The following ZHX2 variants were observed in gnomAD, a reference collection of about 807,000 sequenced individuals.
ZHX2 encodes the protein zinc fingers and homeoboxes 2.
ZHX2 carries 6 observed loss-of-function variants against 21.9 expected under a neutral mutation model. The observed-to-expected ratio is 0.27, with a 90% CI of 0.15 to 0.54. The LOEUF (loss-of-function observed/expected upper bound fraction) is 0.54. Among genes scored for constraint, ZHX2 ranks in the 20% least tolerant of loss-of-function variants. ZHX2 has a pLI of 0.95. For synonymous variants in ZHX2, 434 were observed against 437.1 expected, an observed-to-expected ratio of 0.99 and a Z score of 0.09; for missense variants, 908 against 1,090.7, an observed-to-expected ratio of 0.83 and a Z score of 2.36.
chr8:122,880,026 A>G (rs974484876), intron 2 of ZHX2, among the ~76,000 whole-genome samples: 47 of 143,570 alleles, frequency 3.3e-4, no homozygotes, highest in African/African-American at 1.1e-3. Context: ...AGGCTAGAGT[A>G]CAGTGGTGCA....
At chr8:122,878,511 C>G (rs564159900) in intron 2 of ZHX2, among the ~76,000 whole-genome samples, 2 of 152,300 alleles carry the variant, frequency 1.3e-5, no homozygotes, top group South Asian at 4.1e-4. Context: ...GCACATCATT[C>G]ATCCTCCAGC....
At chr8:122,957,913 A>C (rs1813351255) in intron 3 of ZHX2, among the ~76,000 whole-genome samples, 1 of 152,228 alleles carries the variant, frequency 6.6e-6, no homozygotes, top group African/African-American at 2.4e-5. Context: ...ATTGCTTCAC[A>C]GTTTTCATGA....
At chr8:122,812,668 T>C (rs1300278835) in intron 1 of ZHX2, among the ~76,000 whole-genome samples, 2 of 152,188 alleles carry the variant, frequency 1.3e-5, no homozygotes, top group Non-Finnish European at 2.9e-5. Flanking sequence ...CTATGTTAAC[T>C]ACAGTATTTC....
intron 1 of ZHX2, among the ~76,000 whole-genome samples, chr8:122,805,516 A>G (rs953704106): frequency 3.3e-5 from 5 of 152,246 alleles, no homozygotes; most frequent in Admixed American, 3.3e-4. Flanking sequence ...CCAGCCCCAC[A>G]GCATCTACTA....
intron 3 of ZHX2, among the ~76,000 whole-genome samples, chr8:122,964,669 A>T (rs1444967749): frequency 1.3e-5 from 2 of 152,068 alleles, no homozygotes; most frequent in African/African-American, 2.4e-5. Context: ...AGAAGGATTT[A>T]GGGAGGATTC....
intron 3 of ZHX2, among the ~76,000 whole-genome samples, chr8:122,962,785 C>G (rs986573741): frequency 6.6e-6 from 1 of 152,138 alleles, no homozygotes; most frequent in African/African-American, 2.4e-5. Context: ...ATGCCAACAT[C>G]TATTATTTTT....
intron 2 of ZHX2, among the ~76,000 whole-genome samples, chr8:122,947,867 G>A (rs1027732275): frequency 6.6e-6 from 1 of 152,026 alleles, no homozygotes; most frequent in Non-Finnish European, 1.5e-5. Flanking sequence ...TGCCATTGCT[G>A]GAGATGAACT....
chr8:122,842,792 C>G lies in ZHX2; in HGVS notation c.-282-20685C>G, dbSNP rs567510937. Among the ~76,000 whole-genome samples the G allele has an allele frequency of 3.9e-5, 6 of 152,340 alleles. No individual in the cohort carries two copies. In the South Asian group the frequency reaches 1.0e-3, roughly 26 times the overall value. On this transcript the variant is annotated intron_variant, in intron 1 of 3. Transcript: ENST00000314393. ...GAGAGTCAAGGCCCAAGACTTTTCT[C>G]CCCTGAACACTCCCAGAAGTTCTGA...
chr8:122,802,796 G>A (rs902686840), intron 1 of ZHX2, among the ~76,000 whole-genome samples: 4 of 152,220 alleles, frequency 2.6e-5, no homozygotes, highest in African/African-American at 9.6e-5. Context: ...GGCAAGGCTG[G>A]CAGGGGGCTG....
At chr8:122,940,493 C>T (rs1256132871) in intron 2 of ZHX2, among the ~76,000 whole-genome samples, 1 of 152,118 alleles carries the variant, frequency 6.6e-6, no homozygotes, top group African/African-American at 2.4e-5. Context: ...CTCTCAGGGC[C>T]CCGTGTCACC....
intron 1 of ZHX2, among the ~76,000 whole-genome samples, chr8:122,851,174 T>C (rs1818888166): frequency 1.3e-5 from 2 of 152,150 alleles, no homozygotes; most frequent in Admixed American, 6.5e-5. Context: ...TGGAGATCTA[T>C]TTTGCAGACA....
intron 1 of ZHX2, among the ~76,000 whole-genome samples, chr8:122,855,338 A>AT: frequency 6.6e-6 from 1 of 152,326 alleles, no homozygotes; most frequent in East Asian, 1.9e-4. Flanking sequence ...AAAATATATT[A>AT]TACCACCTTG....
chr8:122,895,414 C>A (rs16897609), intron 2 of ZHX2, among the ~76,000 whole-genome samples: 2 of 152,320 alleles, frequency 1.3e-5, no homozygotes, highest in South Asian at 4.1e-4. Flanking sequence ...ACAGGAAGAA[C>A]GTGTGACCAC....
At chr8:122,883,057 T>A (rs373331205) in intron 2 of ZHX2, among the ~76,000 whole-genome samples, 1 of 152,116 alleles carries the variant, frequency 6.6e-6, no homozygotes, top group East Asian at 1.9e-4. Context: ...TCATTGCATT[T>A]GGCCTGATGT....
At chr8:122,807,918 T>C (rs973518889) in intron 1 of ZHX2, 1 of 152,166 alleles carries the variant, frequency 6.6e-6, no homozygotes, top group East Asian at 1.9e-4. Context: ...ATGGTAGAGG[T>C]GAGATCTCAG....
chr8:122,966,203 T>A (rs1316102688), intron 3 of ZHX2, among the ~76,000 whole-genome samples: 1 of 152,234 alleles, frequency 6.6e-6, no homozygotes, highest in Non-Finnish European at 1.5e-5. Flanking sequence ...AGTTGTTGCA[T>A]GAATACCTTG....
At chr8:122,925,418 G>A (rs539157125) in intron 2 of ZHX2, among the ~76,000 whole-genome samples, 2 of 152,176 alleles carry the variant, frequency 1.3e-5, no homozygotes, top group Non-Finnish European at 2.9e-5. Flanking sequence ...AACAGCACCA[G>A]GTTCTTGCCC....
intron 2 of ZHX2, among the ~76,000 whole-genome samples, chr8:122,906,726 A>G (rs1282245490): frequency 7.0e-6 from 1 of 142,460 alleles, no homozygotes; most frequent in East Asian, 2.1e-4. Flanking sequence ...GCTGGAGTAC[A>G]GTAGGGCTAT....
At chr8:122,872,173 A>G (rs533485881) in intron 2 of ZHX2, among the ~76,000 whole-genome samples, 2 of 152,284 alleles carry the variant, frequency 1.3e-5, no homozygotes, top group East Asian at 1.9e-4. Context: ...AGGTGAACCT[A>G]TGGGGTGACT....
Sources: gnomAD v4.1 joint callset for allele counts (sites outside exome capture counted in the v4.1 genomes callset) on GRCh38, gnomAD v4.1.1 for gene constraint, MANE v1.5 for transcripts, NCBI Gene and HGNC (gene_info 2026-07-23, HGNC 2026-07-21) for gene names.